The following UNC80 variants were observed in gnomAD, a reference collection of about 807,000 sequenced individuals.
The protein encoded by UNC80 is protein unc-80 homolog.
A neutral mutation model predicts 384.6 loss-of-function variants in UNC80; 164 were observed. The observed-to-expected ratio is 0.43, with a 90% CI of 0.38 to 0.49. The LOEUF is 0.49. Among genes scored for constraint, UNC80 ranks in the 20% least tolerant of loss-of-function variants. UNC80 has a pLI of 0.00. For synonymous variants in UNC80, 1,486 were observed against 1,527.8 expected (o/e 0.97, Z 0.64); for missense variants, 3,330 against 4,143.0 (o/e 0.80, Z 5.39).
chr2:209,918,469 A>C, intron 32 of UNC80, 63 bp from the exon 33 acceptor site: 1 of 1,496,796 alleles, frequency 6.7e-7, no homozygotes, highest in Non-Finnish European at 9.0e-7. Context: ...TGTCATCATT[A>C]TACTTCAGCC....
At chr2:209,862,487 T>G (rs2083410840) in intron 22 of UNC80, among the ~76,000 whole-genome samples, 1 of 151,480 alleles carries the variant, frequency 6.6e-6, no homozygotes, top group Non-Finnish European at 1.5e-5. Flanking sequence ...AGAACTTGCT[T>G]TATGAATCTG....
At chr2:209,939,261 G>A (rs1169713321) in intron 42 of UNC80, among the ~76,000 whole-genome samples, 1 of 152,148 alleles carries the variant, frequency 6.6e-6, no homozygotes, top group Non-Finnish European at 1.5e-5. Context: ...CTTCTGTAAA[G>A]CAGGCAGAAG....
chr2:209,937,441 G>A lies in UNC80; in HGVS notation c.6364-88G>A, dbSNP rs189113489. ...GCTTTTCTCCTGGCATAGCATCCTA[G>A]TGCTTAGATCTTTGGGTAAAGAAGA... On this transcript the variant is annotated intron_variant, in intron 41 of 64. Transcript: ENST00000673920. 9.4e-5 allele frequency: 93 copies of A among 986,114 alleles called. No homozygotes were observed. The Admixed American group carries it at 1.9e-3, about 20-fold the overall frequency. The allele number at this position is 986,114 out of a possible 1,614,324, so 61.1% of individuals were successfully genotyped here. A position where few individuals can be genotyped will look rare whatever the true frequency, so the allele number is the denominator to read the frequency against.
chr2:209,803,330 A>G (rs916354504), intron 7 of UNC80, among the ~76,000 whole-genome samples: 2 of 152,170 alleles, frequency 1.3e-5, no homozygotes, highest in African/African-American at 4.8e-5. Flanking sequence ...CACTGACTCA[A>G]AAGTAACCAT....
chr2:209,850,823 A>G (rs1360840299), intron 22 of UNC80, among the ~76,000 whole-genome samples: 1 of 152,086 alleles, frequency 6.6e-6, no homozygotes, highest in Admixed American at 6.6e-5. Flanking sequence ...CAATTAAACA[A>G]TCAAAGTACA....
chr2:209,794,557 A>G (rs1038585224), intron 7 of UNC80, among the ~76,000 whole-genome samples: 19 of 152,308 alleles, frequency 1.2e-4, no homozygotes, highest in African/African-American at 4.6e-4. Context: ...AAATTAACCT[A>G]TTTTAAGTTT....
chr2:209,941,003 C>T (rs1381166782), intron 43 of UNC80, among the ~76,000 whole-genome samples: 2 of 152,068 alleles, frequency 1.3e-5, no homozygotes, highest in Admixed American at 1.3e-4. Flanking sequence ...TCTGCCTTAC[C>T]CACAGTTAGT....
Position 209,813,784 on chromosome 2 carries a change from C to G in UNC80, c.1143C>G (p.Pro381=), listed in dbSNP as rs1422257094. 2 of 1,552,168 alleles carry G rather than the reference C, an allele frequency of 1.3e-6. No individual in the cohort carries two copies. The highest frequency in any genetic ancestry group is 1.7e-6 in the Non-Finnish European group (2 of 1,147,104). The change falls in exon 8 of 65, where the codon CCC becomes CCG. Residue 381 remains proline (P), a synonymous_variant. Coordinates refer to ENST00000673920, the MANE Select transcript of UNC80 (RefSeq NM_001371986.1). ...CAGATATTCCTCTCCTGCCCAGACC[C>G]AGGAGTAGCTCCATGGTGGCAGCAG... The part of the protein sequence containing the change: ...PEPDIPLLPR[P]RSSSMVAAAP...
chr2:209,972,874 G>A (rs148860844), intron 55 of UNC80, among the ~76,000 whole-genome samples, 190 bp from the exon 56 acceptor site: 94 of 152,298 alleles, frequency 6.2e-4, no homozygotes, highest in African/African-American at 2.1e-3. Context: ...ACCCACTATG[G>A]AGAAAATACT....
intron 51 of UNC80, among the ~76,000 whole-genome samples, chr2:209,966,974 G>A (rs557155300): frequency 6.6e-6 from 1 of 152,314 alleles, no homozygotes; most frequent in South Asian, 2.1e-4. Context: ...TGTGGGTACT[G>A]AGGGAGTTCT....
At chr2:209,983,994 G>A (rs1447391274) in intron 60 of UNC80, among the ~76,000 whole-genome samples, 2 of 152,086 alleles carry the variant, frequency 1.3e-5, no homozygotes, top group South Asian at 2.1e-4. Context: ...ATTCTTTGGG[G>A]CCAGGCACTC....
At chr2:209,972,957 G>T in intron 55 of UNC80, 107 bp from the exon 56 acceptor site, 1 of 948,356 alleles carries the variant, frequency 1.1e-6, no homozygotes, top group Non-Finnish European at 1.6e-6. Flanking sequence ...TTTCTAGGGT[G>T]TTGTAGTTTG....
chr2:209,781,874 G>A lies in UNC80; in HGVS notation c.601-4192G>A, dbSNP rs118062515. Among the ~76,000 whole-genome samples the A allele has an allele frequency of 5.9e-5, 9 of 152,222 alleles. 1 individual carries two copies. In the East Asian group the frequency reaches 1.7e-3, roughly 29 times the overall value. On this transcript the variant is annotated intron_variant, in intron 4 of 64. Coordinates refer to ENST00000673920, the MANE Select transcript of UNC80 (RefSeq NM_001371986.1). ...GAAATTCAAACTTCACCTGTAATGAGCCCCGTCCCTAGATTCTATATTTTA... is the reference window on the plus strand; with the variant it reads ...GAAATTCAAACTTCACCTGTAATGAACCCCGTCCCTAGATTCTATATTTTA...
intron 35 of UNC80, 59 bp downstream of exon 35, chr2:209,922,442 A>G: frequency 4.0e-6 from 6 of 1,499,578 alleles, no homozygotes; most frequent in Non-Finnish European, 5.4e-6. Flanking sequence ...AACACTTTCC[A>G]GTTAATATCA....
chr2:209,913,675 A>G (rs1021410521), intron 30 of UNC80, 127 bp from the exon 31 acceptor site: 11 of 943,632 alleles, frequency 1.2e-5, no homozygotes, highest in African/African-American at 1.7e-5. Context: ...ATATGCTCCC[A>G]TTTTAGAAAG....
intron 22 of UNC80, among the ~76,000 whole-genome samples, chr2:209,867,904 C>A (rs1314333746): frequency 6.6e-6 from 1 of 152,140 alleles, no homozygotes; most frequent in Non-Finnish European, 1.5e-5. Flanking sequence ...CAAATGAATT[C>A]TTCACTCTTA....
At chr2:209,806,070 A>G (rs574433660) in intron 7 of UNC80, among the ~76,000 whole-genome samples, 30 of 152,362 alleles carry the variant, frequency 2.0e-4, no homozygotes, top group Non-Finnish European at 3.4e-4. Flanking sequence ...ATTTCAAATA[A>G]GAGTAAGTAA....
intron 7 of UNC80, among the ~76,000 whole-genome samples, chr2:209,797,348 T>C (rs1044582578): frequency 6.6e-6 from 1 of 152,116 alleles, no homozygotes; most frequent in African/African-American, 2.4e-5. Flanking sequence ...CCACAGGCCC[T>C]GGTGTGTGTT....
chr2:209,969,209 C>T (rs142833692), intron 52 of UNC80: 1 of 152,630 alleles, frequency 6.6e-6, no homozygotes, highest in African/African-American at 2.4e-5. Flanking sequence ...GTTATGTATA[C>T]AGTAACACCA....
Sources: gnomAD v4.1 joint callset for allele counts (sites outside exome capture counted in the v4.1 genomes callset) on GRCh38, gnomAD v4.1.1 for gene constraint, MANE v1.5 for transcripts, NCBI Gene and HGNC (gene_info 2026-07-23, HGNC 2026-07-21) for gene names.